MEOX2: variants seen among roughly 807,000 people sequenced by gnomAD.
The protein encoded by MEOX2 is homeobox protein MOX-2.
MEOX2 carries 11 observed loss-of-function variants against 27.0 expected under a neutral mutation model. That is an observed-to-expected ratio of 0.41 (90% CI 0.26 to 0.68). The LOEUF is 0.68. MEOX2 is among the 30% of genes least tolerant of loss of function. The pLI is 0.33. For synonymous variants in MEOX2, 189 were observed against 155.4 expected, an observed-to-expected ratio of 1.22 and a Z score of -1.61; for missense variants, 436 against 385.4, an observed-to-expected ratio of 1.13 and a Z score of -1.10.
intron 1 of MEOX2, among the ~76,000 whole-genome samples, chr7:15,637,919 T>A (rs1056961562): frequency 3.3e-5 from 5 of 152,078 alleles, no homozygotes; most frequent in Non-Finnish European, 7.4e-5. Flanking sequence ...AATTCAATAA[T>A]ACAAACCTAC....
chr7:15,659,595 C>T (rs1781876754), intron 1 of MEOX2, among the ~76,000 whole-genome samples: 1 of 151,824 alleles, frequency 6.6e-6, no homozygotes, highest in Admixed American at 6.6e-5. Context: ...CCTGTCTCTA[C>T]TACGAATACA....
chr7:15,612,306 C>T lies in MEOX2; in HGVS notation c.*81G>A, dbSNP rs534309020. 6 of 1,083,176 alleles carry T rather than the reference C, an allele frequency of 5.5e-6. No individual in the cohort carries two copies. In the African/African-American group the frequency reaches 7.8e-5, roughly 14 times the overall value. The allele number at this position is 1,083,176 out of a possible 1,614,324, so 67.1% of individuals were successfully genotyped here. A position where few individuals can be genotyped will look rare whatever the true frequency, so the allele number is the denominator to read the frequency against. Reference sequence around the variant, plus strand: ...TATTAAACATCACTGCCATAGTCATCTCTCTGTGTAAACGATATTTGGGTA... The same window carrying T: ...TATTAAACATCACTGCCATAGTCATTTCTCTGTGTAAACGATATTTGGGTA... On this transcript the variant is annotated 3_prime_UTR_variant, in exon 3 of 3. Transcript: ENST00000262041.
At chr7:15,626,025 C>T (rs554506402) in intron 2 of MEOX2, among the ~76,000 whole-genome samples, 1 of 152,272 alleles carries the variant, frequency 6.6e-6, no homozygotes, top group East Asian at 1.9e-4. Context: ...TACCAATGAT[C>T]TATGTGTCCT....
chr7:15,638,054 C>G (rs534941456), intron 1 of MEOX2, among the ~76,000 whole-genome samples: 1 of 151,902 alleles, frequency 6.6e-6, no homozygotes, highest in Admixed American at 6.6e-5. Context: ...TCATTTGACA[C>G]GTAACATTTA....
chr7:15,636,042 T>A (rs942460756), intron 1 of MEOX2, among the ~76,000 whole-genome samples: 36 of 152,098 alleles, frequency 2.4e-4, no homozygotes, highest in African/African-American at 8.7e-4. Flanking sequence ...TAGAGTCCTG[T>A]CAAACAGGTA....
intron 1 of MEOX2, among the ~76,000 whole-genome samples, chr7:15,668,716 T>G: frequency 6.6e-6 from 1 of 152,098 alleles, no homozygotes; most frequent in East Asian, 1.9e-4. Flanking sequence ...TCTCAGATGA[T>G]CCGCTCGCCT....
Position 15,612,524 on chromosome 7 carries a change from C to G in MEOX2, c.778G>C (p.Val260Leu). 1 of 1,614,168 alleles carries G rather than the reference C, an allele frequency of 6.2e-7. No individual in the cohort carries two copies. The highest frequency in any genetic ancestry group is 8.5e-7 in the Non-Finnish European group (1 of 1,180,034). The change falls in exon 3 of 3, where the codon GTG becomes CTG. Residue 260 changes from valine to leucine, a missense_variant. Coordinates refer to ENST00000262041, the MANE Select transcript of MEOX2 (RefSeq NM_005924.5). ...QGAAAREKEL[V>L]NVKKGTLLPS... is the part of the protein sequence containing the mutation. ...AGAAGTGTTCCCTTTTTCACATTCA[C>G]CAGTTCCTTTTCCCGAGCCGCAGCT...
chr7:15,645,189 C>A (rs929554142), intron 1 of MEOX2, among the ~76,000 whole-genome samples: 1 of 152,152 alleles, frequency 6.6e-6, no homozygotes, highest in African/African-American at 2.4e-5. Context: ...CATTAATAAC[C>A]TTTCTTGTAG....
At chr7:15,659,143 G>A (rs1000940228) in intron 1 of MEOX2, among the ~76,000 whole-genome samples, 2 of 152,112 alleles carry the variant, frequency 1.3e-5, no homozygotes, top group Non-Finnish European at 2.9e-5. Flanking sequence ...AGGACTACAG[G>A]CACATGCCAG....
chr7:15,673,741 T>C (rs1006807240), intron 1 of MEOX2, among the ~76,000 whole-genome samples: 1 of 152,090 alleles, frequency 6.6e-6, no homozygotes, highest in African/African-American at 2.4e-5. Flanking sequence ...TCTAAATTCT[T>C]TTCTGAGGAG....
At chr7:15,625,566 A>G (rs933495704) in intron 2 of MEOX2, among the ~76,000 whole-genome samples, 1 of 152,212 alleles carries the variant, frequency 6.6e-6, no homozygotes, top group African/African-American at 2.4e-5. Context: ...TAAGACATGC[A>G]TTCATTTGTC....
chr7:15,630,636 AC>A (rs2115363206), intron 1 of MEOX2, among the ~76,000 whole-genome samples: 1 of 152,158 alleles, frequency 6.6e-6, no homozygotes, highest in South Asian at 2.1e-4. Flanking sequence ...TATTGCTGTA[AC>A]TTTTGTATCA....
At chr7:15,650,465 A>C (rs1410983812) in intron 1 of MEOX2, among the ~76,000 whole-genome samples, 1 of 152,024 alleles carries the variant, frequency 6.6e-6, no homozygotes, top group Non-Finnish European at 1.5e-5. Context: ...TGTTCCTTTG[A>C]AAATTGTTTC....
intron 1 of MEOX2, among the ~76,000 whole-genome samples, chr7:15,652,748 T>A (rs1781752433): frequency 6.6e-6 from 1 of 151,972 alleles, no homozygotes; most frequent in Admixed American, 6.6e-5. Flanking sequence ...GGGGAATGAC[T>A]TTTTTCACTC....
chr7:15,618,597 T>C (rs1029185335), intron 2 of MEOX2, among the ~76,000 whole-genome samples: 1 of 151,980 alleles, frequency 6.6e-6, no homozygotes. Flanking sequence ...AATATTTAGC[T>C]GAAACAACGG....
intron 2 of MEOX2, among the ~76,000 whole-genome samples, chr7:15,617,015 G>T (rs1781134180): frequency 6.6e-6 from 1 of 152,122 alleles, no homozygotes; most frequent in African/African-American, 2.4e-5. Context: ...CCAGACAAAA[G>T]AAGTGACTTA....
intron 1 of MEOX2, among the ~76,000 whole-genome samples, chr7:15,645,195 TGTA>T (rs1319692274): frequency 2.6e-5 from 4 of 152,198 alleles, no homozygotes; most frequent in Non-Finnish European, 5.9e-5. Context: ...TAACCTTTCT[TGTA>T]GTGTTAATCT....
intron 2 of MEOX2, among the ~76,000 whole-genome samples, chr7:15,620,975 A>G (rs1410025512): frequency 2.0e-5 from 3 of 152,290 alleles, no homozygotes; most frequent in South Asian, 2.1e-4. Context: ...CTTCTTTTAT[A>G]TGCTCCTGCA....
chr7:15,641,432 A>T (rs1423850588), intron 1 of MEOX2, among the ~76,000 whole-genome samples: 1 of 152,100 alleles, frequency 6.6e-6, no homozygotes, highest in Non-Finnish European at 1.5e-5. Flanking sequence ...ACACAAGAAT[A>T]GCAACCTCTG....
Sources: allele counts gnomAD v4.1 joint callset (sites outside exome capture counted in the v4.1 genomes callset), GRCh38; gene constraint gnomAD v4.1.1; transcripts MANE v1.5; gene names NCBI Gene and HGNC (gene_info 2026-07-23, HGNC 2026-07-21).